HSF5: variants seen among roughly 807,000 people sequenced by gnomAD.
HSF5 encodes the protein heat shock transcription factor 5.
HSF5 carries 5 observed loss-of-function variants against 50.8 expected under a neutral mutation model. That is an observed-to-expected ratio of 0.10 (90% CI 0.05 to 0.21). HSF5 has a LOEUF of 0.21. Among genes scored for constraint, HSF5 ranks in the 10% least tolerant of loss-of-function variants. The pLI is 1.00. For missense variants in HSF5, 564 were observed against 762.6 expected (o/e 0.74, Z 3.07); for synonymous variants, 307 against 307.4 (o/e 1.00, Z 0.02).
Position 58,462,890 on chromosome 17 carries a change from A to G in HSF5, c.1434T>C (p.Ser478=). The change falls in exon 4 of 6, where the codon TCT becomes TCC. Residue 478 remains serine, a synonymous_variant. Coordinates refer to ENST00000323777, the MANE Select transcript of HSF5 (RefSeq NM_001080439.3). ...TGACATGAGCTTGCTGGATGGCTGC[A>G]GATTCCTGTATTGTGCTATTTTCAA... The part of the protein sequence containing the change: ...QPVENSTIQE[S]AAIQQAHVKL... The G allele has an allele frequency of 1.2e-6, 2 of 1,614,164 alleles. No homozygotes were observed. Among genetic ancestry groups the G allele is most frequent in the Non-Finnish European group, 1.7e-6 (2 of 1,180,022 alleles).
At chr17:58,476,598 A>G (rs1975014893) in intron 2 of HSF5, 59 of 1,530,164 alleles carry the variant, frequency 3.9e-5, no homozygotes, top group Non-Finnish European at 5.2e-5. Flanking sequence ...CTGATTTAAT[A>G]TCTTCGAATT....
chr17:58,424,786 A>AAAACAAAC (rs912279201), intron 5 of HSF5, among the ~76,000 whole-genome samples: 3 of 152,108 alleles, frequency 2.0e-5, no homozygotes, highest in Non-Finnish European at 4.4e-5. Flanking sequence ...ACCCTGTCTC[A>AAAACAAAC]AAACAAACAA....
chr17:58,470,523 T>C (rs1215777332), intron 2 of HSF5, among the ~76,000 whole-genome samples: 1 of 152,172 alleles, frequency 6.6e-6, no homozygotes, highest in East Asian at 1.9e-4. Flanking sequence ...TATTGCTTAA[T>C]GGGTACCAAG....
At chr17:58,483,831 C>G (rs1322135589) in intron 1 of HSF5, among the ~76,000 whole-genome samples, 1 of 152,118 alleles carries the variant, frequency 6.6e-6, no homozygotes, top group Non-Finnish European at 1.5e-5. Flanking sequence ...AATAAAAGAA[C>G]TAGGTCCTAA....
intron 5 of HSF5, among the ~76,000 whole-genome samples, chr17:58,443,478 G>A (rs919520787): frequency 1.3e-5 from 2 of 152,052 alleles, no homozygotes; most frequent in South Asian, 2.1e-4. Context: ...TATATGACCC[G>A]TTAATCAACT....
chr17:58,462,209 TC>T (rs1974804473), intron 4 of HSF5, among the ~76,000 whole-genome samples: 1 of 152,256 alleles, frequency 6.6e-6, no homozygotes, highest in South Asian at 2.1e-4. Context: ...TTATTCATTT[TC>T]TTGTAATAAA....
chr17:58,481,930 G>A (rs1186410212), intron 1 of HSF5, among the ~76,000 whole-genome samples: 1 of 152,182 alleles, frequency 6.6e-6, no homozygotes, highest in African/African-American at 2.4e-5. Flanking sequence ...AACCCAGGAG[G>A]TGGAGGTTGC....
At chr17:58,486,946 T>C (rs186539884) in intron 1 of HSF5, among the ~76,000 whole-genome samples, 49 of 147,644 alleles carry the variant, frequency 3.3e-4, no homozygotes, top group Non-Finnish European at 4.9e-4. Flanking sequence ...CTCGCTCTGT[T>C]GCTCAGACTG....
At chr17:58,422,551 A>G in intron 5 of HSF5, 121 bp from the exon 6 acceptor site, 1 of 641,872 alleles carries the variant, frequency 1.6e-6, no homozygotes, top group Non-Finnish European at 2.7e-6. Flanking sequence ...AAAATTGTAT[A>G]GTCCCATCAG....
chr17:58,443,979 C>A (rs1319249249), intron 5 of HSF5, among the ~76,000 whole-genome samples: 1 of 152,168 alleles, frequency 6.6e-6, no homozygotes, highest in Non-Finnish European at 1.5e-5. Flanking sequence ...GTAAAGATTT[C>A]ATTTACAATA....
chr17:58,462,669 T>G, intron 4 of HSF5, 113 bp downstream of exon 4: 1 of 990,970 alleles, frequency 1.0e-6, no homozygotes, highest in Non-Finnish European at 1.5e-6. Context: ...GAAACCATAA[T>G]GAACTGGTAT....
At position 58,421,209 on chromosome 17, in the gene HSF5, C is replaced by G. The variant is rs1318959938; in HGVS notation, c.*1151G>C. ...AGTCCCACAATCCTACTGCACAAAT[C>G]TAGAATCCTGTAACAGGGATAAGAA... On this transcript the variant is annotated 3_prime_UTR_variant, in exon 6 of 6. Coordinates refer to ENST00000323777, the MANE Select transcript of HSF5 (RefSeq NM_001080439.3). The G allele has an allele frequency of 6.6e-6, 1 of 152,546 alleles. No homozygotes were observed. Among genetic ancestry groups the G allele is most frequent in the Non-Finnish European group, 1.5e-5 (1 of 68,020 alleles). 9.4% of individuals were successfully genotyped at this position (152,546 alleles called of 1,614,324 possible). A position where few individuals can be genotyped will look rare whatever the true frequency, so the allele number is the denominator to read the frequency against.
intron 5 of HSF5, among the ~76,000 whole-genome samples, chr17:58,425,709 C>T (rs1313855862): frequency 6.7e-6 from 1 of 148,702 alleles, no homozygotes; most frequent in East Asian, 2.0e-4. Context: ...ATTTACATAA[C>T]ATCTCTTTTT....
intron 5 of HSF5, among the ~76,000 whole-genome samples, chr17:58,452,606 T>C (rs1009145337): frequency 1.3e-4 from 20 of 152,196 alleles, no homozygotes; most frequent in Non-Finnish European, 2.2e-4. Flanking sequence ...GGCCAGGAGT[T>C]TGAGACCAGC....
chr17:58,479,748 T>A (rs1354141387), intron 2 of HSF5, 145 bp downstream of exon 2: 1 of 698,418 alleles, frequency 1.4e-6, no homozygotes, highest in African/African-American at 1.8e-5. Context: ...AAATATCTCC[T>A]GCTAAGAAAT....
intron 4 of HSF5, 21 bp downstream of exon 4, chr17:58,462,761 T>C (rs765517568): frequency 6.4e-7 from 1 of 1,558,712 alleles, no homozygotes; most frequent in Non-Finnish European, 8.6e-7. Context: ...TTTATAAGCA[T>C]TTTTTTCTTT....
rs935470867 is a variant in HSF5 at position 58,450,788 on chromosome 17, A to G, written c.1720+7980T>C. On this transcript the variant is annotated intron_variant, in intron 5 of 5. Coordinates refer to ENST00000323777, the MANE Select transcript of HSF5 (RefSeq NM_001080439.3). ...AAAAAGGACTTTAATTAAAACCAAT[A>G]AAAAATAATGATAAAGGAGGCCAGG... Among the ~76,000 whole-genome samples the G allele has an allele frequency of 8.7e-5, 13 of 149,910 alleles. 1 individual carries two copies. The highest frequency in any genetic ancestry group is 6.7e-4 in the Admixed American group (10 of 15,028).
rs746244726 is a variant in HSF5 at position 58,466,944 on chromosome 17, C to T, written c.961G>A (p.Ala321Thr). The part of the protein sequence containing the change: ...LQCCSPTHMD[A>T]LSSCVTPTAS... ...GTGGGAGTGACACAACTACTTAGAG[C>T]ATCCATGTGGGTAGGAGAACAGCAC... Residue 321 changes from alanine (A) to threonine (T), a missense_variant, in exon 3 of 6, where the codon GCT becomes ACT. Around this residue, in one of 5 missense-constraint regions of HSF5, gnomAD observed 441 missense variants for 533.6 expected, o/e 0.83. Coordinates refer to ENST00000323777, the MANE Select transcript of HSF5 (RefSeq NM_001080439.3). 6.2e-7 allele frequency: 1 copy of T among 1,611,914 alleles called. No individual in the cohort carries two copies. The highest frequency in any genetic ancestry group is 1.1e-5 in the South Asian group (1 of 91,044).
chr17:58,447,514 G>C (rs763275172), intron 5 of HSF5, among the ~76,000 whole-genome samples: 2 of 152,192 alleles, frequency 1.3e-5, no homozygotes, highest in Non-Finnish European at 2.9e-5. Flanking sequence ...CCAAACTCCA[G>C]GAAGTGCAGC....
Sources: gnomAD v4.1 joint callset for allele counts (sites outside exome capture counted in the v4.1 genomes callset) on GRCh38, gnomAD v4.1.1 for gene constraint, gnomAD v4.1.1 regional missense constraint, MANE v1.5 for transcripts, NCBI Gene and HGNC (gene_info 2026-07-23, HGNC 2026-07-21) for gene names.